KDM2B: variants seen among roughly 807,000 people sequenced by gnomAD.
KDM2B encodes lysine-specific demethylase 2B.
Under a neutral mutation model 150.0 loss-of-function variants are expected in KDM2B, and 26 were observed. The ratio of observed to expected loss-of-function variants is 0.17; its 90% CI spans 0.13 to 0.24. The LOEUF is 0.24. KDM2B is among the 10% of genes least tolerant of loss of function. KDM2B has a pLI of 1.00. For synonymous variants in KDM2B, 734 were observed against 729.5 expected (o/e 1.01, Z -0.10); for missense variants, 1,265 against 1,816.9 (o/e 0.70, Z 5.52).
the KDM2B span, among the ~76,000 whole-genome samples, chr12:121,417,320 G>A: frequency 2.0e-5 from 3 of 152,202 alleles, no homozygotes; most frequent in Non-Finnish European, 2.9e-5. The surrounding 1 kb of genome is among the most constrained non-coding windows in gnomAD (Gnocchi z 5.0). Flanking sequence ...AATCCAGACT[G>A]CCTTGGCAAT....
intron 9 of KDM2B, among the ~76,000 whole-genome samples, chr12:121,515,574 A>G (rs1418623925): frequency 7.1e-6 from 1 of 141,622 alleles, no homozygotes; most frequent in African/African-American, 2.7e-5. Context: ...CTGACAATAA[A>G]CAGGTGACAT....
chr12:121,446,223 G>A lies in KDM2B; in HGVS notation c.1960-805C>T, dbSNP rs183950292. Among the ~76,000 whole-genome samples, 203 of 152,146 alleles carry A rather than the reference G, an allele frequency of 1.3e-3. 1 individual carries two copies. The highest frequency in any genetic ancestry group is 8.7e-3 in the South Asian group (42 of 4,814). ...ATCCCGGCTACCACGGTGAAACCCC[G>A]TCTCTACTAAAAATACAAAAAGAAA... On this transcript the variant is annotated intron_variant, in intron 13 of 22. Transcript: ENST00000377071.
At chr12:121,514,469 A>C (rs919535961) in intron 9 of KDM2B, among the ~76,000 whole-genome samples, 6 of 151,660 alleles carry the variant, frequency 4.0e-5, no homozygotes, top group Middle Eastern at 3.2e-3. Flanking sequence ...GATGGGAAGG[A>C]AACAACGCCA....
intron 11 of KDM2B, among the ~76,000 whole-genome samples, chr12:121,502,387 C>T (rs1593970484): frequency 6.6e-6 from 1 of 152,042 alleles, no homozygotes; most frequent in Admixed American, 6.6e-5. Context: ...CTGGGGAGGC[C>T]GAGATAGGCA....
rs538326110 is a variant in KDM2B, at chr12:121,521,786, G to A, written c.932-686C>T. ...TTTCATCTCTCCAAACTCCTAGCCT[G>A]GAGCCAGACACAGTCACCATCACAA... On this transcript the variant is annotated intron_variant, in intron 8 of 22. Transcript: ENST00000377071. The surrounding 1 kb of genome is among the most constrained non-coding windows in gnomAD (Gnocchi z 4.9). 6.6e-6 allele frequency among the ~76,000 whole-genome samples: 1 copy of A among 152,266 alleles called. No homozygotes were observed. The highest frequency in any genetic ancestry group is 2.4e-5 in the African/African-American group (1 of 41,560).
intron 4 of KDM2B, among the ~76,000 whole-genome samples, chr12:121,569,602 A>G (rs534187913): frequency 1.5e-4 from 23 of 152,320 alleles, no homozygotes; most frequent in Admixed American, 4.6e-4. Flanking sequence ...CACTTAGGTC[A>G]CTTATAACAA....
chr12:121,570,049 GT>G (rs1243362476), intron 4 of KDM2B, among the ~76,000 whole-genome samples: 1 of 151,484 alleles, frequency 6.6e-6, no homozygotes, highest in Non-Finnish European at 1.5e-5. Flanking sequence ...GGTTTTTTTG[GT>G]TTTGTTTTGT....
chr12:121,457,568 A>G (rs560353339), intron 12 of KDM2B, among the ~76,000 whole-genome samples: 49 of 151,984 alleles, frequency 3.2e-4, no homozygotes, highest in Admixed American at 2.9e-3. Context: ...GGCCTCAAAC[A>G]CCAATTCTAA....
At chr12:121,448,807 G>A (rs1256871784) in intron 13 of KDM2B, among the ~76,000 whole-genome samples, 2 of 152,216 alleles carry the variant, frequency 1.3e-5, no homozygotes, top group African/African-American at 4.8e-5. Context: ...CCACAGGAGC[G>A]AGGGAGATGG....
chr12:121,476,342 G>C (rs1214966065), intron 12 of KDM2B, among the ~76,000 whole-genome samples: 1 of 151,994 alleles, frequency 6.6e-6, no homozygotes. Context: ...TGTAGTCCCA[G>C]CTATTTGGGA....
intron 12 of KDM2B, among the ~76,000 whole-genome samples, chr12:121,484,713 G>T (rs1230468464): frequency 6.6e-6 from 1 of 152,158 alleles, no homozygotes; most frequent in African/African-American, 2.4e-5. Context: ...AGCTACTTGG[G>T]AGGCTGAGGT....
chr12:121,570,174 C>CA (rs1352474200), intron 4 of KDM2B, among the ~76,000 whole-genome samples: 1 of 152,030 alleles, frequency 6.6e-6, no homozygotes, highest in Admixed American at 6.6e-5. Context: ...CTCAGCCCCC[C>CA]AAGTAGCTGG....
intron 12 of KDM2B, among the ~76,000 whole-genome samples, chr12:121,464,306 G>T (rs1424316087): frequency 6.6e-6 from 1 of 152,252 alleles, no homozygotes; most frequent in Non-Finnish European, 1.5e-5. Flanking sequence ...AACTTGGAAA[G>T]CAAGCTGAAG....
the KDM2B span, chr12:121,416,610 T>C: frequency 4.9e-6 from 2 of 409,778 alleles, no homozygotes; most frequent in Non-Finnish European, 4.4e-6. Context: ...CTTTGACCTG[T>C]TTGTATCATT....
At chr12:121,517,852 A>G (rs191584779) in intron 9 of KDM2B, among the ~76,000 whole-genome samples, 16 of 151,930 alleles carry the variant, frequency 1.1e-4, no homozygotes, top group Admixed American at 8.5e-4. Context: ...CACCTCCTGC[A>G]TTTGGTTTCC....
At chr12:121,448,534 A>G (rs1211518376) in intron 13 of KDM2B, among the ~76,000 whole-genome samples, 1 of 152,012 alleles carries the variant, frequency 6.6e-6, no homozygotes, top group Non-Finnish European at 1.5e-5. Flanking sequence ...CCCGGCTGTG[A>G]GCCCCCTGAG....
At chr12:121,556,279 T>G (rs1442361410) in intron 4 of KDM2B, among the ~76,000 whole-genome samples, 1 of 152,038 alleles carries the variant, frequency 6.6e-6, no homozygotes, top group African/African-American at 2.4e-5. Flanking sequence ...TGGAGTGCAG[T>G]GGCTTGAACA....
At chr12:121,527,524 G>A (rs1414824120) in intron 8 of KDM2B, among the ~76,000 whole-genome samples, 1 of 150,358 alleles carries the variant, frequency 6.7e-6, no homozygotes, top group Non-Finnish European at 1.5e-5. Flanking sequence ...CATGGTGGCA[G>A]GCGCCTGTAG....
intron 9 of KDM2B, among the ~76,000 whole-genome samples, chr12:121,517,297 T>C (rs1024763813): frequency 3.9e-5 from 6 of 152,064 alleles, no homozygotes; most frequent in Non-Finnish European, 1.5e-5. Context: ...CCCAAACACC[T>C]GTATATGTTC....
Sources: gnomAD v4.1 joint callset for allele counts (sites outside exome capture counted in the v4.1 genomes callset) on GRCh38, gnomAD v4.1.1 for gene constraint, Gnocchi (gnomAD v3.1) non-coding constraint, MANE v1.5 for transcripts, NCBI Gene and HGNC (gene_info 2026-07-23, HGNC 2026-07-21) for gene names.